NEGR1: variants seen among roughly 807,000 people sequenced by gnomAD.
NEGR1 encodes IgLON family member 4.
NEGR1 carries 10 observed loss-of-function variants against 40.9 expected under a neutral mutation model. That is an observed-to-expected ratio of 0.24 (90% CI 0.15 to 0.42). NEGR1 has a LOEUF of 0.42. Among genes scored for constraint, NEGR1 ranks in the 10% least tolerant of loss-of-function variants. The pLI is 1.00. For missense variants in NEGR1, 352 were observed against 438.9 expected, an observed-to-expected ratio of 0.80 and a Z score of 1.77; for synonymous variants, 185 against 166.8, an observed-to-expected ratio of 1.11 and a Z score of -0.84.
At chr1:71,633,325 C>T (rs1393933333) in intron 4 of NEGR1, among the ~76,000 whole-genome samples, 1 of 152,076 alleles carries the variant, frequency 6.6e-6, no homozygotes, top group East Asian at 1.9e-4. Flanking sequence ...CCTTGGCAGT[C>T]ACAGATTTAA....
chr1:71,929,186 C>A (rs935629348), intron 2 of NEGR1, among the ~76,000 whole-genome samples: 1 of 151,986 alleles, frequency 6.6e-6, no homozygotes, highest in African/African-American at 2.4e-5. Flanking sequence ...AAAACATGGA[C>A]AATTTTGGGA....
At chr1:71,988,307 A>C (rs1421525216) in intron 1 of NEGR1, among the ~76,000 whole-genome samples, 1 of 152,120 alleles carries the variant, frequency 6.6e-6, no homozygotes, top group Non-Finnish European at 1.5e-5. Flanking sequence ...TGGGAGGCCG[A>C]GGCGGGTGGA....
intron 1 of NEGR1, among the ~76,000 whole-genome samples, chr1:71,967,554 T>C (rs1343381212): frequency 6.6e-6 from 1 of 152,190 alleles, no homozygotes; most frequent in African/African-American, 2.4e-5. Context: ...ATAATTTTTA[T>C]AGAGTTTTAT....
chr1:71,623,356 T>G (rs1650668488), intron 4 of NEGR1, among the ~76,000 whole-genome samples: 2 of 151,900 alleles, frequency 1.3e-5, no homozygotes. Context: ...CCATTTATTT[T>G]GACATGGCAA....
chr1:71,527,123 T>A (rs984865126), intron 6 of NEGR1, among the ~76,000 whole-genome samples: 7 of 151,552 alleles, frequency 4.6e-5, no homozygotes, highest in African/African-American at 1.7e-4. Context: ...ACATATTGTA[T>A]TACATAAATC....
At chr1:71,830,499 G>C (rs1557668964) in intron 2 of NEGR1, among the ~76,000 whole-genome samples, 1 of 151,620 alleles carries the variant, frequency 6.6e-6, no homozygotes, top group African/African-American at 2.4e-5. Flanking sequence ...GCCTACAAAT[G>C]GTACCTTGTT....
At chr1:71,425,521 A>G (rs1646423243) in intron 6 of NEGR1, among the ~76,000 whole-genome samples, 1 of 152,122 alleles carries the variant, frequency 6.6e-6, no homozygotes, top group Admixed American at 6.5e-5. Flanking sequence ...ATCATCATCC[A>G]CTTATAAATC....
intron 1 of NEGR1, among the ~76,000 whole-genome samples, chr1:71,947,593 T>C (rs1035550782): frequency 2.0e-4 from 30 of 152,208 alleles, no homozygotes; most frequent in African/African-American, 7.0e-4. Context: ...CCTCTAGATA[T>C]TGTTTTAACA....
At chr1:72,195,381 A>G (rs1472185996) in intron 1 of NEGR1, among the ~76,000 whole-genome samples, 1 of 152,002 alleles carries the variant, frequency 6.6e-6, no homozygotes, top group African/African-American at 2.4e-5. Flanking sequence ...AACTGCTTCT[A>G]CATTTTTGTT....
At chr1:71,868,500 A>G (rs1295988451) in intron 2 of NEGR1, among the ~76,000 whole-genome samples, 1 of 151,914 alleles carries the variant, frequency 6.6e-6, no homozygotes, top group East Asian at 1.9e-4. Flanking sequence ...ACATACATAC[A>G]TACATACATA....
At chr1:72,274,638 A>G in intron 1 of NEGR1, 2 of 837,290 alleles carry the variant, frequency 2.4e-6, no homozygotes, top group Non-Finnish European at 2.1e-6. Context: ...TGCCCCAAGG[A>G]TTTGCAAGGC....
chr1:72,281,396 G>A (rs1656242143), intron 1 of NEGR1, among the ~76,000 whole-genome samples: 1 of 148,414 alleles, frequency 6.7e-6, no homozygotes, highest in African/African-American at 2.6e-5. Context: ...AAGTGCCAGT[G>A]CATGTGAGGA....
intron 1 of NEGR1, among the ~76,000 whole-genome samples, chr1:71,966,099 T>C (rs1223131012): frequency 6.6e-6 from 1 of 152,206 alleles, no homozygotes; most frequent in Non-Finnish European, 1.5e-5. Context: ...TCAAATAATA[T>C]TTGTTACTAG....
Position 71,399,303 on chromosome 1 carries a change from T to C in NEGR1, c.*8143A>G, listed in dbSNP as rs1396986681. 1 of 152,158 alleles carries C rather than the reference T, an allele frequency of 6.6e-6. No individual in the cohort carries two copies. Among genetic ancestry groups the C allele is most frequent in the Non-Finnish European group, 1.5e-5 (1 of 68,024 alleles). The allele number at this position is 152,158 out of a possible 1,614,324, so 9.4% of individuals were successfully genotyped here. ...AAAAAAAAAACCCAGTCTTTCTCCTTGTCAACATTTAAAGTTATTAGACAG... is the reference window on the plus strand; with the variant it reads ...AAAAAAAAAACCCAGTCTTTCTCCTCGTCAACATTTAAAGTTATTAGACAG... On this transcript the variant is annotated 3_prime_UTR_variant, in exon 7 of 7. Coordinates refer to ENST00000357731, the MANE Select transcript of NEGR1 (RefSeq NM_173808.3).
chr1:71,918,341 C>A (rs959333755), intron 2 of NEGR1, among the ~76,000 whole-genome samples: 1 of 148,656 alleles, frequency 6.7e-6, no homozygotes, highest in African/African-American at 2.5e-5. Context: ...TAATCCCAAC[C>A]ACATGTCAAG....
intron 1 of NEGR1, among the ~76,000 whole-genome samples, chr1:72,236,683 A>AATAAATAAATAAAG (rs1364702941): frequency 1.3e-5 from 2 of 152,030 alleles, no homozygotes; most frequent in African/African-American, 4.8e-5. Flanking sequence ...AAAGGGCATT[A>AATAAATAAATAAAG]ACACCTTTAT....
chr1:72,005,221 AGAACTAAGCGGG>A (rs1430265512), intron 1 of NEGR1, among the ~76,000 whole-genome samples: 1 of 152,130 alleles, frequency 6.6e-6, no homozygotes, highest in Admixed American at 6.6e-5. Flanking sequence ...TTATACACTG[AGAACTAAGCGGG>A]GATAGGGTGG....
At chr1:72,005,715 C>A (rs2100390770) in intron 1 of NEGR1, among the ~76,000 whole-genome samples, 1 of 152,036 alleles carries the variant, frequency 6.6e-6, no homozygotes, top group Admixed American at 6.6e-5. Context: ...AGTAAGATCA[C>A]CTGTAAAATT....
intron 1 of NEGR1, among the ~76,000 whole-genome samples, chr1:72,025,690 A>T (rs1371291938): frequency 6.6e-6 from 1 of 152,196 alleles, no homozygotes; most frequent in East Asian, 1.9e-4. Context: ...GCATCTGTTG[A>T]ATTCAGATTT....
Sources: gnomAD v4.1 joint callset for allele counts (sites outside exome capture counted in the v4.1 genomes callset) on GRCh38, gnomAD v4.1.1 for gene constraint, MANE v1.5 for transcripts, NCBI Gene and HGNC (gene_info 2026-07-23, HGNC 2026-07-21) for gene names.